PSMD5: variants seen among roughly 807,000 people sequenced by gnomAD.
The protein encoded by PSMD5 is proteasome 26S subunit, non-ATPase 5.
Under a neutral mutation model 52.1 loss-of-function variants are expected in PSMD5, and 40 were observed. The ratio of observed to expected loss-of-function variants is 0.77; its 90% CI spans 0.60 to 1.00. The LOEUF (loss-of-function observed/expected upper bound fraction) is 1.00. Ranked by LOEUF, PSMD5 falls within the 50% of genes least tolerant of loss-of-function variation. PSMD5 has a pLI of 0.00. For synonymous variants in PSMD5, 211 were observed against 226.6 expected (o/e 0.93, Z 0.62); for missense variants, 575 against 605.2 (o/e 0.95, Z 0.52).
chr9:120,825,993 CTTTTTTTTTT>C (rs1194375987), intron 6 of PSMD5, among the ~76,000 whole-genome samples: 1 of 131,262 alleles, frequency 7.6e-6, no homozygotes, highest in Admixed American at 7.8e-5. Context: ...TTGTCCTGAT[CTTTTTTTTTT>C]TTTTTTTTTG....
At chr9:120,840,840 G>A (rs1457071455) in intron 1 of PSMD5, among the ~76,000 whole-genome samples, 2 of 151,814 alleles carry the variant, frequency 1.3e-5, no homozygotes, top group Non-Finnish European at 1.5e-5. Flanking sequence ...GGTTGGTCTC[G>A]AACTCTTGAC....
At chr9:120,827,769 C>T (rs1203354600) in intron 5 of PSMD5, among the ~76,000 whole-genome samples, 2 of 152,112 alleles carry the variant, frequency 1.3e-5, no homozygotes, top group Non-Finnish European at 2.9e-5. Context: ...CCTATATACA[C>T]AAAGATAACT....
At position 120,816,880 on chromosome 9, in the gene PSMD5, G is replaced by T. The variant is rs2045046376; in HGVS notation, c.*1026C>A. On this transcript the variant is annotated 3_prime_UTR_variant, in exon 10 of 10. Coordinates refer to ENST00000210313, the MANE Select transcript of PSMD5 (RefSeq NM_005047.4). ...GTTTCCCTTTCTCTGATCAACTCAA[G>T]ATTGACTTTATAGGTATGAAAAATC... 1 of 152,134 alleles carries T rather than the reference G, an allele frequency of 6.6e-6. No individual in the cohort carries two copies. Among genetic ancestry groups the T allele is most frequent in the African/African-American group, 2.4e-5 (1 of 41,402 alleles). 9.4% of individuals were successfully genotyped at this position (152,134 alleles called of 1,614,324 possible).
At chr9:120,824,109 TA>T (rs34305055) in intron 7 of PSMD5, 20,861 of 111,910 alleles carry the variant, frequency 0.19, 1,024 homozygotes, top group African/African-American at 0.22. Flanking sequence ...CTCAATCTCT[TA>T]AAAAAAAAAA....
At position 120,831,483 on chromosome 9, in the gene PSMD5, T is replaced by C. The variant is rs755122919; in HGVS notation, c.433-24A>G. The C allele has an allele frequency of 1.9e-6, 3 of 1,581,520 alleles. No homozygotes were observed. In the South Asian group the frequency reaches 3.5e-5, roughly 18 times the overall value. On this transcript the variant is annotated intron_variant, in intron 3 of 9. Transcript: ENST00000210313. ...GCCTTATAACGAAAGAAAATATCTC[T>C]TACATTCCCAAAATGCAGGTTATTA...
intron 9 of PSMD5, among the ~76,000 whole-genome samples, chr9:120,819,076 G>A (rs2045065238): frequency 6.6e-6 from 1 of 152,196 alleles, no homozygotes; most frequent in Non-Finnish European, 1.5e-5. Flanking sequence ...AACTTTCTGT[G>A]ATTTTAAAAA....
At chr9:120,819,343 C>A (rs2045066992) in intron 9 of PSMD5, among the ~76,000 whole-genome samples, 1 of 152,186 alleles carries the variant, frequency 6.6e-6, no homozygotes, top group Non-Finnish European at 1.5e-5. Flanking sequence ...GCCTGCTTCA[C>A]AACCAAGCAT....
At chr9:120,839,798 C>CTTT (rs5900462) in intron 1 of PSMD5, among the ~76,000 whole-genome samples, 10 of 78,532 alleles carry the variant, frequency 1.3e-4, no homozygotes, top group South Asian at 5.9e-4. Context: ...TTTTTTTAAT[C>CTTT]TTTTTTTTTT....
At position 120,820,925 on chromosome 9, in the gene PSMD5, A is replaced by C; in HGVS notation, c.1171T>G (p.Leu391Val). 1 of 1,608,484 alleles carries C rather than the reference A, an allele frequency of 6.2e-7. No homozygotes were observed. The highest frequency in any genetic ancestry group is 8.5e-7 in the Non-Finnish European group (1 of 1,178,624). Reference sequence around the variant, plus strand: ...AAGAGCTCCAGTGGATCCCGAGATAAAGAAGAAAACCAGGATTCTGTCATC... The same window carrying C: ...AAGAGCTCCAGTGGATCCCGAGATACAGAAGAAAACCAGGATTCTGTCATC... ...LRMTESWFSS[L>V]SRDPLELFRG... The change falls in exon 9 of 10, where the codon TTA becomes GTA. Residue 391 changes from leucine (L) to valine (V), a missense_variant. Coordinates refer to ENST00000210313, the MANE Select transcript of PSMD5 (RefSeq NM_005047.4).
At position 120,816,262 on chromosome 9, in the gene PSMD5, T is replaced by C. The variant is rs2045041220; in HGVS notation, c.*1644A>G. 6.6e-6 allele frequency: 1 copy of C among 152,346 alleles called. No homozygotes were observed. The highest frequency in any genetic ancestry group is 2.4e-5 in the African/African-American group (1 of 41,452). 9.4% of individuals were successfully genotyped at this position (152,346 alleles called of 1,614,324 possible). A position where few individuals can be genotyped will look rare whatever the true frequency, so the allele number is the denominator to read the frequency against. ...ATTGTTTAATGAATACAGTTTCAAT[T>C]GTATAAGATGAAAATAATTCTGAAG... is the stretch of plus-strand genomic sequence containing the variant. On this transcript the variant is annotated 3_prime_UTR_variant, in exon 10 of 10. Coordinates refer to ENST00000210313, the MANE Select transcript of PSMD5 (RefSeq NM_005047.4).
At chr9:120,832,451 C>T (rs985289432) in intron 2 of PSMD5, among the ~76,000 whole-genome samples, 2 of 140,212 alleles carry the variant, frequency 1.4e-5, no homozygotes, top group Non-Finnish European at 3.0e-5. Context: ...GGCTGGAGTG[C>T]AGTGGCGCGA....
rs764059904 is a variant in PSMD5 at position 120,821,419 on chromosome 9, T to G, written c.1052A>C (p.Lys351Thr). The change falls in exon 8 of 10, where the codon AAG becomes ACG. Residue 351 changes from lysine to threonine, a missense_variant. Coordinates refer to ENST00000210313, the MANE Select transcript of PSMD5 (RefSeq NM_005047.4). ...RLLMRIGHQS[K>T]NAPVELKIRC... ...AATTTTTAGCTCCACTGGGGCATTC[T>G]TTGATTGATGTCCTATTCTCATAAG... 5 of 1,610,692 alleles carry G rather than the reference T, an allele frequency of 3.1e-6. No individual in the cohort carries two copies. The highest frequency in any genetic ancestry group is 4.2e-6 in the Non-Finnish European group (5 of 1,178,480).
chr9:120,841,481 A>G (rs2045236137), intron 1 of PSMD5, among the ~76,000 whole-genome samples: 1 of 152,164 alleles, frequency 6.6e-6, no homozygotes, highest in Non-Finnish European at 1.5e-5. Context: ...CGGCAGGCTG[A>G]GGCAGGAGAA....
intron 1 of PSMD5, 79 bp from the exon 2 acceptor site, chr9:120,833,535 G>C: frequency 7.0e-7 from 1 of 1,424,678 alleles, no homozygotes. Flanking sequence ...GCTGAAGCTT[G>C]CGTCAGCGTC....
chr9:120,819,705 T>C (rs1001577578), intron 9 of PSMD5, among the ~76,000 whole-genome samples: 4 of 152,088 alleles, frequency 2.6e-5, no homozygotes, highest in East Asian at 1.9e-4. Context: ...GGCATGGTGG[T>C]GGGCGCCCGT....
At chr9:120,818,268 T>C in intron 9 of PSMD5, 105 bp from the exon 10 acceptor site, 1 of 1,159,916 alleles carries the variant, frequency 8.6e-7, no homozygotes, top group Non-Finnish European at 1.2e-6. Flanking sequence ...ACTTTAAAAA[T>C]GTTACCTTTT....
At chr9:120,842,441 G>T (rs1351356037) in intron 1 of PSMD5, 3 of 473,764 alleles carry the variant, frequency 6.3e-6, no homozygotes, top group African/African-American at 6.0e-5. Context: ...AATGCTCCTT[G>T]TAAGTGGACA....
At position 120,820,851 on chromosome 9, in the gene PSMD5, T is replaced by A. The variant is rs1386218501; in HGVS notation, c.1245A>T (p.Leu415Phe). 1 of 1,584,206 alleles carries A rather than the reference T, an allele frequency of 6.3e-7. No homozygotes were observed. The highest frequency in any genetic ancestry group is 8.5e-7 in the Non-Finnish European group (1 of 1,171,604). ...QPFPELHCAA[L>F]KVFTAIANQP... ...AGTGAATACCTACCGTAAACACTTT[T>A]AAGGCAGCACAGTGTAGTTCAGGGA... Residue 415 changes from leucine to phenylalanine, a missense_variant, in exon 9 of 10, where the codon TTA (leucine) becomes TTT (phenylalanine). Coordinates refer to ENST00000210313, the MANE Select transcript of PSMD5 (RefSeq NM_005047.4).
intron 1 of PSMD5, 79 bp downstream of exon 1, chr9:120,842,658 T>A (rs1380416198): frequency 2.0e-6 from 3 of 1,533,696 alleles, no homozygotes; most frequent in Non-Finnish European, 2.7e-6. Context: ...GGAAAAGCGC[T>A]GTTCTTGCCC....
Sources: gnomAD v4.1 joint callset for allele counts (sites outside exome capture counted in the v4.1 genomes callset) on GRCh38, gnomAD v4.1.1 for gene constraint, MANE v1.5 for transcripts, NCBI Gene and HGNC (gene_info 2026-07-23, HGNC 2026-07-21) for gene names.